The following VAMP7 variants were observed in gnomAD, a reference collection of about 807,000 sequenced individuals.
VAMP7 encodes vesicle-associated membrane protein 7.
Under a neutral mutation model 29.6 loss-of-function variants are expected in VAMP7, and 14 were observed. The observed-to-expected ratio is 0.47, with a 90% CI of 0.31 to 0.74. The LOEUF (loss-of-function observed/expected upper bound fraction) is 0.74. Among genes scored for constraint, VAMP7 ranks in the 30% least tolerant of loss-of-function variants. VAMP7 has a pLI of 0.05. For missense variants in VAMP7, 223 were observed against 262.4 expected, an observed-to-expected ratio of 0.85 and a Z score of 1.04; for synonymous variants, 95 against 88.1, an observed-to-expected ratio of 1.08 and a Z score of -0.44.
intron 5 of VAMP7, among the ~76,000 whole-genome samples, chrX:155,902,707 C>G (rs1169988401): frequency 6.6e-6 from 1 of 151,926 alleles, no homozygotes; most frequent in Non-Finnish European, 1.5e-5. Context: ...CCTTGCATCC[C>G]AGGGATGAAG....
chrX:155,927,633 G>T (rs2124372725), intron 6 of VAMP7, among the ~76,000 whole-genome samples: 1 of 151,956 alleles, frequency 6.6e-6, no homozygotes, highest in East Asian at 1.9e-4. Flanking sequence ...AACTGAAGAA[G>T]TTCTTTTATT....
chrX:155,930,805 C>T (rs2066540795), intron 6 of VAMP7, among the ~76,000 whole-genome samples: 2 of 151,746 alleles, frequency 1.3e-5, no homozygotes, highest in Non-Finnish European at 2.9e-5. Context: ...TGGTGTGCTG[C>T]ACCCATTAAC....
chrX:155,903,241 C>G (rs2066094577), intron 5 of VAMP7, among the ~76,000 whole-genome samples: 1 of 152,010 alleles, frequency 6.6e-6, no homozygotes, highest in Non-Finnish European at 1.5e-5. Context: ...AGACCTAAAA[C>G]CATAAAAACC....
intron 5 of VAMP7, among the ~76,000 whole-genome samples, chrX:155,907,104 T>G (rs2066157806): frequency 1.3e-5 from 2 of 152,082 alleles, no homozygotes; most frequent in African/African-American, 4.8e-5. Context: ...AACAATTGAT[T>G]TTCAGATATT....
At chrX:155,933,019 A>G (rs1459954824) in intron 6 of VAMP7, among the ~76,000 whole-genome samples, 1 of 152,096 alleles carries the variant, frequency 6.6e-6, no homozygotes, top group Non-Finnish European at 1.5e-5. Flanking sequence ...TGATTTGTAT[A>G]TGTTGAACCA....
At chrX:155,889,844 G>T (rs1252920151) in intron 2 of VAMP7, among the ~76,000 whole-genome samples, 1 of 151,118 alleles carries the variant, frequency 6.6e-6, no homozygotes, top group Admixed American at 6.6e-5. Flanking sequence ...AAGATGAAAT[G>T]TTAAATGTAA....
At chrX:155,934,825 C>T (rs1263432310) in intron 6 of VAMP7, among the ~76,000 whole-genome samples, 1 of 152,058 alleles carries the variant, frequency 6.6e-6, no homozygotes, top group African/African-American at 2.4e-5. Flanking sequence ...GCATGTTTTT[C>T]CAGTGGCTGG....
At chrX:155,899,746 A>G (rs1326663423) in intron 4 of VAMP7, among the ~76,000 whole-genome samples, 4 of 152,084 alleles carry the variant, frequency 2.6e-5, no homozygotes, top group Non-Finnish European at 4.4e-5. Context: ...TAGAAACAAA[A>G]CTTTCAAATT....
rs1569436236 is a variant in VAMP7 at position 155,898,100 on chromosome X, A to G, written c.205-12A>G. Reference sequence around the variant, plus strand: ...CTTTCTAAATGTGAGTTCTGTGTTGATCTCTTTTCAGGATTTTGAACGTTC... The same window carrying G: ...CTTTCTAAATGTGAGTTCTGTGTTGGTCTCTTTTCAGGATTTTGAACGTTC... On this transcript the variant is annotated splice_polypyrimidine_tract_variant and intron_variant, in intron 3 of 7. Coordinates refer to ENST00000286448, the MANE Select transcript of VAMP7 (RefSeq NM_005638.6). The G allele has an allele frequency of 6.2e-7, 1 of 1,611,890 alleles. No homozygotes were observed.
At chrX:155,937,499 C>T (rs2066678279) in intron 6 of VAMP7, among the ~76,000 whole-genome samples, 1 of 152,124 alleles carries the variant, frequency 6.6e-6, no homozygotes, top group African/African-American at 2.4e-5. Context: ...ACAATGTGTA[C>T]ATTTATCAGA....
chrX:155,914,452 G>C (rs1474391528), intron 5 of VAMP7, among the ~76,000 whole-genome samples: 1 of 152,106 alleles, frequency 6.6e-6, no homozygotes, highest in African/African-American at 2.4e-5. Flanking sequence ...TTTTCAAAGG[G>C]AATACTTCCA....
rs1053810820 is a variant in VAMP7 at position 155,900,674 on chromosome X, A to C, written c.433+87A>C. 6.2e-6 allele frequency: 7 copies of C among 1,125,064 alleles called. No homozygotes were observed. The African/African-American group carries it at 9.3e-5, about 15-fold the overall frequency. The allele number at this position is 1,125,064 out of a possible 1,614,324, so 69.7% of individuals were successfully genotyped here. ...GTCAAATTATTCTAGAGAAGCCAAAATAGCACTTCCTTATTCTTACCATTG... is the reference window on the plus strand; with the variant it reads ...GTCAAATTATTCTAGAGAAGCCAAACTAGCACTTCCTTATTCTTACCATTG... On this transcript the variant is annotated intron_variant, in intron 5 of 7. Transcript: ENST00000286448.
intron 5 of VAMP7, among the ~76,000 whole-genome samples, chrX:155,905,822 A>G (rs1203757652): frequency 1.3e-5 from 2 of 152,178 alleles, no homozygotes; most frequent in Non-Finnish European, 2.9e-5. Context: ...AAATCAGGAA[A>G]TATTCATCTT....
intron 6 of VAMP7, among the ~76,000 whole-genome samples, chrX:155,932,818 A>G (rs2066582675): frequency 6.6e-6 from 1 of 152,172 alleles, no homozygotes; most frequent in African/African-American, 2.4e-5. Context: ...GTTTTTGCCC[A>G]TTCAGTATGA....
chrX:155,933,557 T>A (rs2066598314), intron 6 of VAMP7, among the ~76,000 whole-genome samples: 1 of 152,200 alleles, frequency 6.6e-6, no homozygotes, highest in African/African-American at 2.4e-5. Flanking sequence ...ATATCCCCTT[T>A]TATCATTTTT....
chrX:155,938,220 C>T (rs1033981373), intron 6 of VAMP7, among the ~76,000 whole-genome samples: 3 of 152,126 alleles, frequency 2.0e-5, no homozygotes, highest in Admixed American at 2.0e-4. Flanking sequence ...CTCACTTTAA[C>T]TGCTGTTTCT....
chrX:155,912,263 T>C (rs990665292), intron 5 of VAMP7, among the ~76,000 whole-genome samples: 1 of 152,192 alleles, frequency 6.6e-6, no homozygotes, highest in Non-Finnish European at 1.5e-5. Context: ...TAGAATATCC[T>C]ATTTTCCTTT....
intron 7 of VAMP7, among the ~76,000 whole-genome samples, chrX:155,940,801 G>A (rs1488439162): frequency 1.3e-5 from 2 of 152,262 alleles, no homozygotes; most frequent in Non-Finnish European, 2.9e-5. Flanking sequence ...GTATGTGTGT[G>A]TATGTGTGAA....
intron 3 of VAMP7, among the ~76,000 whole-genome samples, chrX:155,896,807 G>A (rs2065993762): frequency 6.6e-6 from 1 of 152,124 alleles, no homozygotes; most frequent in African/African-American, 2.4e-5. Flanking sequence ...CCATAGATCA[G>A]GGTTCCTAAT....
Sources: gnomAD v4.1 joint callset for allele counts (sites outside exome capture counted in the v4.1 genomes callset) on GRCh38, gnomAD v4.1.1 for gene constraint, MANE v1.5 for transcripts, NCBI Gene and HGNC (gene_info 2026-07-23, HGNC 2026-07-21) for gene names.